Variants in IDE observed in about 807,000 individuals in gnomAD.
IDE encodes the protein insulin-degrading enzyme.
In IDE, 58 loss-of-function variants were observed where a neutral mutation model predicts 133.2. The observed-to-expected ratio is 0.44, with a 90% CI of 0.35 to 0.54. IDE has a LOEUF of 0.54. IDE is among the 20% of genes least tolerant of loss of function. IDE has a pLI of 0.00. For synonymous variants in IDE, 396 were observed against 421.3 expected (o/e 0.94, Z 0.73); for missense variants, 981 against 1,234.0 (o/e 0.79, Z 3.07).
chr10:92,466,547 C>T (rs1334844221), intron 19 of IDE, among the ~76,000 whole-genome samples: 1 of 151,740 alleles, frequency 6.6e-6, no homozygotes, highest in African/African-American at 2.4e-5. Context: ...GAATTCCTGA[C>T]CTCAGGTGAT....
chr10:92,471,776 G>A (rs1422617856), intron 17 of IDE, among the ~76,000 whole-genome samples: 1 of 152,148 alleles, frequency 6.6e-6, no homozygotes, highest in Non-Finnish European at 1.5e-5. Context: ...GTGCAGTGGT[G>A]CAACCTCCGC....
intron 9 of IDE, among the ~76,000 whole-genome samples, chr10:92,507,244 C>G (rs747854728): frequency 6.6e-6 from 1 of 152,166 alleles, no homozygotes; most frequent in Non-Finnish European, 1.5e-5. Flanking sequence ...AGAGCTCATG[C>G]AGCTTCAGGC....
intron 4 of IDE, among the ~76,000 whole-genome samples, chr10:92,525,023 G>A (rs1849551332): frequency 6.6e-6 from 1 of 152,138 alleles, no homozygotes; most frequent in African/African-American, 2.4e-5. Flanking sequence ...CACTTTGGGA[G>A]GCCGAGGTGG....
At chr10:92,552,297 A>G (rs1222051171) in intron 1 of IDE, among the ~76,000 whole-genome samples, 1 of 152,218 alleles carries the variant, frequency 6.6e-6, no homozygotes, top group African/African-American at 2.4e-5. Context: ...GGAAATAAGA[A>G]AGTAAATTGT....
chr10:92,510,263 T>C, intron 5 of IDE, 101 bp from the exon 6 acceptor site: 1 of 555,404 alleles, frequency 1.8e-6, no homozygotes, highest in East Asian at 2.9e-5. Flanking sequence ...TCAGTACTAC[T>C]GAAAGGAAAA....
At chr10:92,495,215 GCTTT>G in intron 11 of IDE, among the ~76,000 whole-genome samples, 1 of 122,058 alleles carries the variant, frequency 8.2e-6, no homozygotes, top group African/African-American at 3.2e-5. Context: ...ATCACACTCG[GCTTT>G]TTTTTTTTTT....
chr10:92,479,172 T>TAA (rs35864975), intron 15 of IDE, 105 bp downstream of exon 15: 2,087 of 624,576 alleles, frequency 3.3e-3, no homozygotes, highest in East Asian at 6.2e-3. Flanking sequence ...CCATAAAGAT[T>TAA]AAAAAAAAAA....
chr10:92,509,817 AGGCTGAGGTG>A (rs1289211981), intron 6 of IDE, among the ~76,000 whole-genome samples: 4 of 150,670 alleles, frequency 2.7e-5, no homozygotes, highest in African/African-American at 4.9e-5. Context: ...ACTACTCAGA[AGGCTGAGGTG>A]GGAGGATCAA....
rs1032416267 is a variant in IDE at position 92,573,989 on chromosome 10, G to C, written c.31C>G (p.Pro11Ala). 6.0e-6 allele frequency: 9 copies of C among 1,510,042 alleles called. No homozygotes were observed. Among genetic ancestry groups the C allele is most frequent in the African/African-American group, 4.3e-5 (3 of 69,344 alleles). 93.5% of individuals were successfully genotyped at this position (1,510,042 alleles called of 1,614,324 possible). A position where few individuals can be genotyped will look rare whatever the true frequency, so the allele number is the denominator to read the frequency against. The change falls in exon 1 of 25, where the codon CCC (proline) becomes GCC (alanine). Residue 11 changes from proline to alanine, a missense_variant. By Grantham distance (27) the Pro-to-Ala change is conservative (BLOSUM62 -1). This residue lies in a region of IDE where 321 missense variants were observed against 339.3 expected (regional missense o/e 0.95). Transcript: ENST00000265986. ...GAGCGGAAGGTGCTGGGCAGTGCGG[G>C]GTGCAGAAGCCACGCTAGCCGGTAC... is the stretch of plus-strand genomic sequence containing the variant. MRYRLAWLLHPALPSTFRSVL... is the reference protein window; with the variant it reads MRYRLAWLLHAALPSTFRSVL...
At position 92,455,480 on chromosome 10, in the gene IDE, CAAAAACA is replaced by C. The variant is rs539613335; in HGVS notation, c.2964+89_2964+95del. The stretch of plus-strand genomic sequence containing the variant: ...TGGGTGACTGAGTGAGACTCCATTT[CAAAAACA>C]AAAAACAAAAAACAAAAAAAACCAA... On this transcript the variant is annotated intron_variant, in intron 24 of 24. Transcript: ENST00000265986. 8.2e-4 allele frequency: 660 copies of C among 807,164 alleles called. 5 individuals carry two copies. In the African/African-American group the frequency reaches 9.6e-3, roughly 12 times the overall value. 50.0% of individuals were successfully genotyped at this position (807,164 alleles called of 1,614,324 possible).
At position 92,487,331 on chromosome 10, in the gene IDE, T is replaced by A. The variant is rs1201464495; in HGVS notation, c.1534-13A>T. 6.2e-7 allele frequency: 1 copy of A among 1,606,748 alleles called. No individual in the cohort carries two copies. The highest frequency in any genetic ancestry group is 8.5e-7 in the Non-Finnish European group (1 of 1,176,120). ...CATTTTGCCATTTCTGGATGAATAA[T>A]GAAACACACAAATGCAGTAAGAGTC... On this transcript the variant is annotated splice_polypyrimidine_tract_variant and intron_variant, in intron 12 of 24. Coordinates refer to ENST00000265986, the MANE Select transcript of IDE (RefSeq NM_004969.4).
chr10:92,503,843 C>A (rs1446198703), intron 11 of IDE, among the ~76,000 whole-genome samples: 1 of 151,726 alleles, frequency 6.6e-6, no homozygotes, highest in Non-Finnish European at 1.5e-5. Flanking sequence ...TGCAGCCTCC[C>A]GAGTAGCTGG....
rs1347165191 is a variant in IDE, at chr10:92,554,182, C to CA, written c.99-16633_99-16632insT. Among the ~76,000 whole-genome samples, 4 of 152,302 alleles carry CA rather than the reference C, an allele frequency of 2.6e-5. No homozygotes were observed. The East Asian group carries it at 5.8e-4, about 22-fold the overall frequency. ...GCAAGGATGGTTCAACATCAACACACTTATTGCAAATCAATAAATGTGATA... is the reference window on the plus strand; with the variant it reads ...GCAAGGATGGTTCAACATCAACACACATTATTGCAAATCAATAAATGTGATA... On this transcript the variant is annotated intron_variant, in intron 1 of 24. Coordinates refer to ENST00000265986, the MANE Select transcript of IDE (RefSeq NM_004969.4).
At position 92,453,177 on chromosome 10, in the gene IDE, A is replaced by G. The variant is rs1023775096; in HGVS notation, c.*1267T>C. On this transcript the variant is annotated 3_prime_UTR_variant, in exon 25 of 25. Transcript: ENST00000265986. ...CACTTACTGTTACTAGTGCTTGTAT[A>G]TGGAAATATATTCACAATTTCTCTT... 1 of 152,204 alleles carries G rather than the reference A, an allele frequency of 6.6e-6. No homozygotes were observed. Among genetic ancestry groups the G allele is most frequent in the African/African-American group, 2.4e-5 (1 of 41,448 alleles). 9.4% of individuals were successfully genotyped at this position (152,204 alleles called of 1,614,324 possible). A position where few individuals can be genotyped will look rare whatever the true frequency, so the allele number is the denominator to read the frequency against.
chr10:92,467,151 TG>T (rs1202412571), intron 19 of IDE, among the ~76,000 whole-genome samples: 1 of 152,004 alleles, frequency 6.6e-6, no homozygotes, highest in Non-Finnish European at 1.5e-5. Flanking sequence ...CATGGCTCAT[TG>T]CAGCCTCAAC....
rs150078715 is a variant in IDE, at chr10:92,463,846, G to C, written c.2646C>G (p.Phe882Leu). The C allele has an allele frequency of 1.9e-5, 31 of 1,613,992 alleles. No homozygotes were observed. In the African/African-American group the frequency reaches 4.0e-4, roughly 21 times the overall value. Residue 882 changes from phenylalanine (F) to leucine (L), a missense_variant, in exon 21 of 25, where the codon TTC (phenylalanine) becomes TTG (leucine). Physicochemically the swap from Phe to Leu is conservative, Grantham distance 22. Coordinates refer to ENST00000265986, the MANE Select transcript of IDE (RefSeq NM_004969.4). The stretch of plus-strand genomic sequence containing the variant: ...TTGCTAATGCCTGAATGTGTTTTTG[G>C]AAGGCCTCTTCTGTCATGTCCTCTA... ...KSIEDMTEEAFQKHIQALAIR... is the reference protein window; with the variant it reads ...KSIEDMTEEALQKHIQALAIR...
At chr10:92,457,168 T>C (rs1030962052) in intron 22 of IDE, among the ~76,000 whole-genome samples, 2 of 152,168 alleles carry the variant, frequency 1.3e-5, no homozygotes, top group African/African-American at 4.8e-5. Context: ...TGATCTTTAG[T>C]GTCTACAGAG....
Position 92,534,507 on chromosome 10 carries a change from GA to G in IDE, c.491+70del, listed in dbSNP as rs1249283186. 1.6e-5 allele frequency: 14 copies of G among 885,618 alleles called. No homozygotes were observed. In the East Asian group the frequency reaches 3.5e-4, roughly 22 times the overall value. 54.9% of individuals were successfully genotyped at this position (885,618 alleles called of 1,614,324 possible). ...GTTAAATTATGAAGCCATCTCTGTG[GA>G]AATAATAATTATTATTATTAATGTG... On this transcript the variant is annotated intron_variant, in intron 3 of 24. Coordinates refer to ENST00000265986, the MANE Select transcript of IDE (RefSeq NM_004969.4).
chr10:92,531,599 C>A, intron 4 of IDE, 149 bp downstream of exon 4: 1 of 311,302 alleles, frequency 3.2e-6, no homozygotes, highest in Non-Finnish European at 5.6e-6. Flanking sequence ...TGAAATCTAT[C>A]CTGAATTGTA....
Sources: gnomAD v4.1 joint callset for allele counts (sites outside exome capture counted in the v4.1 genomes callset) on GRCh38, gnomAD v4.1.1 for gene constraint, gnomAD v4.1.1 regional missense constraint, MANE v1.5 for transcripts, NCBI Gene and HGNC (gene_info 2026-07-23, HGNC 2026-07-21) for gene names.